The following DLG2 variants were observed in gnomAD, a reference collection of about 807,000 sequenced individuals.
DLG2 encodes discs large MAGUK scaffold protein 2.
Under a neutral mutation model 132.5 loss-of-function variants are expected in DLG2, and 45 were observed. The observed-to-expected ratio is 0.34, with a 90% confidence interval of 0.27 to 0.44. The LOEUF (loss-of-function observed/expected upper bound fraction) is 0.44. Among genes scored for constraint, DLG2 ranks in the 20% least tolerant of loss-of-function variants. The probability of loss-of-function intolerance (pLI) is 1.00; values close to 1 mark genes in which losing one functional copy is unlikely to be tolerated. For missense variants in DLG2, 1,045 were observed against 1,196.9 expected, an observed-to-expected ratio of 0.87 and a Z score of 1.87; for synonymous variants, 424 against 419.6, an observed-to-expected ratio of 1.01 and a Z score of -0.13.
At chr11:84,502,267 CTTCCTTCCTTCCTTCTTTCTTTCT>C (rs2099215260) in intron 7 of DLG2, among the ~76,000 whole-genome samples, 1 of 24,382 alleles carries the variant, frequency 4.1e-5, no homozygotes, top group Admixed American at 3.7e-4. Context: ...TCCTTCCTTC[CTTCCTTCCTTCCTTCTTTCTTTCT>C]TTCTTTCTTT....
intron 8 of DLG2, among the ~76,000 whole-genome samples, chr11:84,237,023 G>A (rs1232151209): frequency 1.3e-5 from 2 of 151,552 alleles, no homozygotes; most frequent in East Asian, 3.9e-4. Context: ...CCGCCTCCCG[G>A]GTTCCAGCGA....
At chr11:83,964,287 T>C (rs570208321) in intron 13 of DLG2, among the ~76,000 whole-genome samples, 1 of 151,982 alleles carries the variant, frequency 6.6e-6, no homozygotes, top group Non-Finnish European at 1.5e-5. Flanking sequence ...TTAAAACTCT[T>C]TCATATTCTA....
chr11:83,631,181 T>TG (rs1293141937), intron 19 of DLG2: 123 of 150,524 alleles, frequency 8.2e-4, no homozygotes, highest in African/African-American at 2.9e-3. Context: ...TTTTTTTTTT[T>TG]TTTTTTGGTC....
chr11:84,520,721 A>T (rs1469630255), intron 7 of DLG2, among the ~76,000 whole-genome samples: 1 of 152,178 alleles, frequency 6.6e-6, no homozygotes, highest in Non-Finnish European at 1.5e-5. Context: ...AGGGAAATAG[A>T]AGTTGAGGTG....
chr11:84,962,296 G>T (rs77371714), intron 6 of DLG2, among the ~76,000 whole-genome samples: 3,070 of 152,286 alleles, frequency 0.02, 53 homozygotes, highest in Admixed American at 0.042. Context: ...CAAGCTGCTG[G>T]ACTCTTCTAT....
At chr11:84,547,040 T>C (rs1160596541) in intron 6 of DLG2, among the ~76,000 whole-genome samples, 1 of 152,196 alleles carries the variant, frequency 6.6e-6, no homozygotes, top group Non-Finnish European at 1.5e-5. Flanking sequence ...GGGCAACTTA[T>C]TAAACCCTCT....
At chr11:85,146,211 T>G (rs1033747932) in intron 5 of DLG2, among the ~76,000 whole-genome samples, 1 of 149,312 alleles carries the variant, frequency 6.7e-6, no homozygotes, top group African/African-American at 2.5e-5. Flanking sequence ...GAAGTCTGTC[T>G]GTATGTCTGT....
At chr11:83,531,101 C>G (rs966280052) in intron 21 of DLG2, among the ~76,000 whole-genome samples, 1 of 151,786 alleles carries the variant, frequency 6.6e-6, no homozygotes, top group African/African-American at 2.4e-5. Flanking sequence ...TTTCATTAGG[C>G]AATGGTTTCT....
In DLG2 at chr11:84,903,480, G is replaced by A. The variant is rs184807824; in HGVS notation, c.357+208181C>T. Reference sequence around the variant, plus strand: ...GATATAAGCACATAGGTACCAGTATGCCCTTAAGAATATAAGCTACTCAGG... The same window carrying A: ...GATATAAGCACATAGGTACCAGTATACCCTTAAGAATATAAGCTACTCAGG... On this transcript the variant is annotated intron_variant, in intron 6 of 27. Transcript: ENST00000376104. 3.5e-3 allele frequency among the ~76,000 whole-genome samples: 536 copies of A among 152,210 alleles called. 2 individuals carry two copies. Among genetic ancestry groups the A allele is most frequent in the African/African-American group, 4.8e-3 (200 of 41,552 alleles).
intron 6 of DLG2, among the ~76,000 whole-genome samples, chr11:85,073,164 T>G (rs2066100556): frequency 6.6e-6 from 1 of 151,858 alleles, no homozygotes; most frequent in Non-Finnish European, 1.5e-5. Context: ...GATTAAAAAC[T>G]GATATATTCA....
intron 7 of DLG2, among the ~76,000 whole-genome samples, chr11:84,361,565 C>T (rs1213600872): frequency 6.6e-6 from 1 of 150,868 alleles, no homozygotes; most frequent in Non-Finnish European, 1.5e-5. Flanking sequence ...GATTTGTGGG[C>T]AAAGAAAAAT....
At chr11:84,816,578 T>C (rs990524393) in intron 6 of DLG2, among the ~76,000 whole-genome samples, 1 of 151,972 alleles carries the variant, frequency 6.6e-6, no homozygotes, top group African/African-American at 2.4e-5. Context: ...CAAGAATCTG[T>C]ACTATGTACC....
At chr11:84,795,725 G>A (rs2074499137) in intron 6 of DLG2, among the ~76,000 whole-genome samples, 1 of 152,062 alleles carries the variant, frequency 6.6e-6, no homozygotes, top group African/African-American at 2.4e-5. Context: ...CAGCCCTTTG[G>A]GGAGCCTGGA....
At chr11:85,272,661 G>A (rs1017118942) in intron 4 of DLG2, among the ~76,000 whole-genome samples, 22 of 152,176 alleles carry the variant, frequency 1.4e-4, no homozygotes, top group African/African-American at 3.9e-4. Context: ...AATCAATATC[G>A]TGAAAATGGC....
chr11:83,825,267 C>T lies in DLG2; in HGVS notation c.1722+8347G>A, dbSNP rs113441992. Among the ~76,000 whole-genome samples, 762 of 148,892 alleles carry T rather than the reference C, an allele frequency of 5.1e-3. 11 individuals are homozygous for T. Among genetic ancestry groups the T allele is most frequent in the African/African-American group, 0.018 (734 of 40,486 alleles). ...CATGATCTTGGCTCACCGCAACCTC[C>T]GCCTCCCAGGTTCAAGCGATTCTCC... On this transcript the variant is annotated intron_variant, in intron 17 of 27. Transcript: ENST00000376104.
At chr11:84,933,932 A>G (rs1432968164) in intron 6 of DLG2, among the ~76,000 whole-genome samples, 1 of 152,064 alleles carries the variant, frequency 6.6e-6, no homozygotes, top group Non-Finnish European at 1.5e-5. Flanking sequence ...GCATCCTTTT[A>G]TTGTGCCAGT....
chr11:84,577,464 C>G (rs551187475), intron 6 of DLG2, among the ~76,000 whole-genome samples: 1 of 152,150 alleles, frequency 6.6e-6, no homozygotes, highest in Non-Finnish European at 1.5e-5. Flanking sequence ...CTGAGGTGGT[C>G]CCAATGGAGA....
At chr11:84,129,416 A>ATGAG (rs1048061668) in intron 9 of DLG2, among the ~76,000 whole-genome samples, 2 of 152,018 alleles carry the variant, frequency 1.3e-5, no homozygotes, top group African/African-American at 4.8e-5. Flanking sequence ...TATCTATATA[A>ATGAG]ACTGTCCAAA....
At chr11:85,387,123 G>A (rs568974920) in intron 3 of DLG2, among the ~76,000 whole-genome samples, 2 of 151,988 alleles carry the variant, frequency 1.3e-5, no homozygotes, top group Non-Finnish European at 2.9e-5. Context: ...CCTTACCTCA[G>A]GTGATCCACC....
Sources: gnomAD v4.1 joint callset for allele counts (sites outside exome capture counted in the v4.1 genomes callset) on GRCh38, gnomAD v4.1.1 for gene constraint, MANE v1.5 for transcripts, NCBI Gene and HGNC (gene_info 2026-07-23, HGNC 2026-07-21) for gene names.